IQCJ: variants seen among roughly 807,000 people sequenced by gnomAD.
IQCJ encodes IQ domain-containing protein J.
A neutral mutation model predicts 11.0 loss-of-function variants in IQCJ; 9 were observed. The observed-to-expected ratio is 0.82, with a 90% CI of 0.49 to 1.43. IQCJ has a LOEUF of 1.43. IQCJ is among the 40% of genes most tolerant of loss of function. The pLI is 0.00. For synonymous variants in IQCJ, 55 were observed against 51.3 expected, an observed-to-expected ratio of 1.07 and a Z score of -0.31; for missense variants, 146 against 133.2, an observed-to-expected ratio of 1.10 and a Z score of -0.47.
chr3:159,256,398 T>G (rs952742491), intron 3 of IQCJ, among the ~76,000 whole-genome samples: 3 of 152,158 alleles, frequency 2.0e-5, no homozygotes, highest in African/African-American at 7.2e-5. Context: ...AGAGATAGCA[T>G]TCCCAAAAGA....
intron 1 of IQCJ, among the ~76,000 whole-genome samples, chr3:159,183,714 A>G (rs1407033257): frequency 6.6e-6 from 1 of 152,188 alleles, no homozygotes; most frequent in Non-Finnish European, 1.5e-5. Flanking sequence ...CCATCTTTTT[A>G]TACTGTCACA....
intron 1 of IQCJ, among the ~76,000 whole-genome samples, chr3:159,208,698 C>T (rs963599850): frequency 1.3e-5 from 2 of 152,052 alleles, no homozygotes; most frequent in Non-Finnish European, 2.9e-5. Context: ...AATAATGGCT[C>T]CCCAAAAGAT....
chr3:159,262,711 C>T lies in IQCJ; in HGVS notation c.319C>T (p.Pro107Ser). The part of the protein sequence containing the change: ...PVSVMFLFLC[P>S]DLTFN ...GAGTGTCATGTTTCTTTTTCTATGT[C>T]CTGACTTGACATTCAACTGAAAGCC... The change falls in exon 4 of 4, where the codon CCT becomes TCT. Residue 107 changes from proline to serine, a missense_variant. By Grantham distance (74) the Pro-to-Ser change is moderately conservative. Transcript: ENST00000397832. The T allele has an allele frequency of 6.2e-7, 1 of 1,613,548 alleles. No individual in the cohort carries two copies. Among genetic ancestry groups the T allele is most frequent in the Non-Finnish European group, 8.5e-7 (1 of 1,179,618 alleles).
intron 1 of IQCJ, 148 bp downstream of exon 1, chr3:159,069,589 C>A: frequency 8.9e-7 from 1 of 1,123,792 alleles, no homozygotes. Context: ...AATTATTGGT[C>A]TAGGTGCGTG....
At chr3:159,129,326 A>C (rs1030958615) in intron 1 of IQCJ, among the ~76,000 whole-genome samples, 1 of 152,180 alleles carries the variant, frequency 6.6e-6, no homozygotes, top group East Asian at 1.9e-4. Flanking sequence ...GTTTTCACTT[A>C]ATAGTTTGAG....
In IQCJ at chr3:159,231,739, G is replaced by A. The variant is rs373259247; in HGVS notation, c.10-14104G>A. 5.8e-4 allele frequency among the ~76,000 whole-genome samples: 89 copies of A among 152,186 alleles called. 1 individual carries two copies. In the South Asian group the frequency reaches 0.011, roughly 18 times the overall value. On this transcript the variant is annotated intron_variant, in intron 1 of 3. Coordinates refer to ENST00000397832, the MANE Select transcript of IQCJ (RefSeq NM_001042706.3). Reference sequence around the variant, plus strand: ...CCTCTTTGTACCTCTGGTAGAATTCGGCTGTGAATCTGTCTGGTCCCGGGC... The same window carrying A: ...CCTCTTTGTACCTCTGGTAGAATTCAGCTGTGAATCTGTCTGGTCCCGGGC...
intron 1 of IQCJ, among the ~76,000 whole-genome samples, chr3:159,182,212 A>T (rs988323303): frequency 9.2e-5 from 14 of 151,484 alleles, no homozygotes; most frequent in South Asian, 4.2e-4. Flanking sequence ...TACTTTTTTT[A>T]AAAAAAACAG....
intron 3 of IQCJ, among the ~76,000 whole-genome samples, chr3:159,257,440 G>C (rs1727958523): frequency 6.6e-6 from 1 of 152,124 alleles, no homozygotes; most frequent in Non-Finnish European, 1.5e-5. Flanking sequence ...TTGACAGTCT[G>C]CAAAGTTATG....
At chr3:159,210,865 T>G (rs1181920886) in intron 1 of IQCJ, among the ~76,000 whole-genome samples, 2 of 152,180 alleles carry the variant, frequency 1.3e-5, no homozygotes, top group Non-Finnish European at 2.9e-5. Flanking sequence ...AGAGTTGGGA[T>G]ATCTCCATGT....
At chr3:159,129,398 T>G (rs186207699) in intron 1 of IQCJ, among the ~76,000 whole-genome samples, 45 of 152,344 alleles carry the variant, frequency 3.0e-4, no homozygotes, top group Admixed American at 1.2e-3. Flanking sequence ...GCAAATCTAA[T>G]TGCACCTGAA....
At chr3:159,117,796 C>G (rs147276009) in intron 1 of IQCJ, among the ~76,000 whole-genome samples, 1 of 152,238 alleles carries the variant, frequency 6.6e-6, no homozygotes, top group African/African-American at 2.4e-5. Flanking sequence ...TACAATCTAT[C>G]AGAGAAGACA....
chr3:159,195,877 G>A (rs1723955961), intron 1 of IQCJ, among the ~76,000 whole-genome samples: 1 of 152,220 alleles, frequency 6.6e-6, no homozygotes, highest in Admixed American at 6.5e-5. Context: ...AATTCAACCT[G>A]TTGCTTATTA....
At position 159,240,832 on chromosome 3, in the gene IQCJ, A is replaced by G. The variant is rs1210246882; in HGVS notation, c.10-5011A>G. On this transcript the variant is annotated intron_variant, in intron 1 of 3. Transcript: ENST00000397832. ...GGTCTTGAACTGCTAACCTCAAGGG[A>G]TCCACCCACCTTGGCCTCCCAAAGT... is the stretch of plus-strand genomic sequence containing the variant. Among the ~76,000 whole-genome samples, 5 of 152,068 alleles carry G rather than the reference A, an allele frequency of 3.3e-5. No homozygotes were observed. In the East Asian group the frequency reaches 9.7e-4, roughly 30 times the overall value.
At chr3:159,181,977 A>G (rs954380865) in intron 1 of IQCJ, among the ~76,000 whole-genome samples, 3 of 151,874 alleles carry the variant, frequency 2.0e-5, no homozygotes, top group African/African-American at 7.3e-5. Flanking sequence ...CCTATAAGAC[A>G]AAGTCCCAGC....
intron 1 of IQCJ, among the ~76,000 whole-genome samples, chr3:159,154,870 A>C (rs1412424446): frequency 1.3e-5 from 2 of 151,980 alleles, no homozygotes; most frequent in Admixed American, 6.6e-5. Flanking sequence ...TGATTTCCTC[A>C]CAGCTTTTCC....
intron 1 of IQCJ, among the ~76,000 whole-genome samples, chr3:159,104,988 G>T (rs1454504901): frequency 1.3e-5 from 2 of 152,100 alleles, no homozygotes; most frequent in African/African-American, 2.4e-5. Flanking sequence ...TCAGTAATTA[G>T]CCCAATGTCT....
At chr3:159,137,869 G>A (rs905347486) in intron 1 of IQCJ, among the ~76,000 whole-genome samples, 1 of 152,086 alleles carries the variant, frequency 6.6e-6, no homozygotes, top group Non-Finnish European at 1.5e-5. Context: ...AATTTTAAAA[G>A]CAAAATAAAT....
chr3:159,226,038 G>A (rs983328650), intron 1 of IQCJ, among the ~76,000 whole-genome samples: 5 of 152,182 alleles, frequency 3.3e-5, no homozygotes, highest in African/African-American at 9.7e-5. Flanking sequence ...TATGTGGGAA[G>A]GGATGTGGAG....
Position 159,183,651 on chromosome 3 carries a change from A to G in IQCJ, c.10-62192A>G, listed in dbSNP as rs148246586. Among the ~76,000 whole-genome samples the G allele has an allele frequency of 3.2e-3, 481 of 152,318 alleles. 1 individual carries two copies. The highest frequency in any genetic ancestry group is 0.011 in the African/African-American group (452 of 41,570). ...TATTTCTTGATCATGTCTCAGTCCAATGCTAGTTGAGTAGCTCTCCTTCAA... is the reference window on the plus strand; with the variant it reads ...TATTTCTTGATCATGTCTCAGTCCAGTGCTAGTTGAGTAGCTCTCCTTCAA... On this transcript the variant is annotated intron_variant, in intron 1 of 3. Transcript: ENST00000397832.
Sources: allele counts gnomAD v4.1 joint callset (sites outside exome capture counted in the v4.1 genomes callset), GRCh38; gene constraint gnomAD v4.1.1; transcripts MANE v1.5; gene names NCBI Gene and HGNC (gene_info 2026-07-23, HGNC 2026-07-21).